The following MCPH1 variants were observed in gnomAD, a reference collection of about 807,000 sequenced individuals.
MCPH1 encodes the protein microcephalin 1.
A neutral mutation model predicts 84.5 loss-of-function variants in MCPH1; 104 were observed. That is an observed-to-expected ratio of 1.23 (90% CI 1.05 to 1.45). The LOEUF is 1.45. MCPH1 is among the 40% of genes most tolerant of loss of function. MCPH1 has a pLI of 0.00. For synonymous variants in MCPH1, 514 were observed against 366.8 expected (o/e 1.40, Z -4.58); for missense variants, 1,498 against 1,005.7 (o/e 1.49, Z -6.62).
intron 3 of MCPH1, among the ~76,000 whole-genome samples, chr8:6,423,840 C>T (rs1379177741): frequency 6.6e-6 from 1 of 152,148 alleles, no homozygotes; most frequent in African/African-American, 2.4e-5. Context: ...TTCCCAATAC[C>T]TTTGCTAATG....
chr8:6,456,362 C>T (rs1805679535), intron 9 of MCPH1, among the ~76,000 whole-genome samples: 1 of 152,166 alleles, frequency 6.6e-6, no homozygotes, highest in Non-Finnish European at 1.5e-5. Context: ...GGGTGGGGCC[C>T]TTCCTAGAAC....
intron 3 of MCPH1, among the ~76,000 whole-genome samples, chr8:6,415,403 T>A (rs1285834762): frequency 1.3e-5 from 2 of 151,820 alleles, no homozygotes; most frequent in African/African-American, 4.8e-5. Flanking sequence ...TTCTTATGCC[T>A]CAGCCTCCCA....
chr8:6,505,009 T>A (rs1047344952), intron 12 of MCPH1, among the ~76,000 whole-genome samples: 76 of 151,572 alleles, frequency 5.0e-4, no homozygotes, highest in Non-Finnish European at 2.6e-4. Flanking sequence ...TTATATTAAT[T>A]TTTAAAATAG....
chr8:6,532,563 C>T (rs541542905), intron 12 of MCPH1: 5 of 939,446 alleles, frequency 5.3e-6, no homozygotes, highest in Admixed American at 6.7e-5. Context: ...TTGTCGTCTC[C>T]TCCCTATCTT....
intron 12 of MCPH1, among the ~76,000 whole-genome samples, chr8:6,511,751 A>G (rs1815147394): frequency 6.6e-6 from 1 of 152,226 alleles, no homozygotes; most frequent in Admixed American, 6.5e-5. Context: ...TAAATGGCCT[A>G]TCCAAAAATT....
intron 12 of MCPH1, among the ~76,000 whole-genome samples, chr8:6,515,391 G>T (rs988822043): frequency 2.0e-5 from 3 of 152,192 alleles, no homozygotes; most frequent in East Asian, 1.9e-4. Flanking sequence ...CTGGTGCAAG[G>T]TGTGTGACCT....
Position 6,498,135 on chromosome 8 carries a change from A to G in MCPH1, c.2137-1717A>G, listed in dbSNP as rs569718888. Among the ~76,000 whole-genome samples, 13 of 152,374 alleles carry G rather than the reference A, an allele frequency of 8.5e-5. No individual in the cohort carries two copies. In the East Asian group the frequency reaches 2.3e-3, roughly 27 times the overall value. On this transcript the variant is annotated intron_variant, in intron 11 of 13. Transcript: ENST00000344683. ...TGGTTTTATGAATGATAATATTAAA[A>G]TGTAAAAAACACTATTTTCATTATG...
intron 12 of MCPH1, among the ~76,000 whole-genome samples, chr8:6,612,288 T>C (rs191883959): frequency 2.0e-5 from 3 of 149,942 alleles, no homozygotes; most frequent in African/African-American, 7.2e-5. Context: ...ACATTCTGCC[T>C]ATTTAAGCCA....
At chr8:6,453,950 G>C (rs1350254726) in intron 8 of MCPH1, among the ~76,000 whole-genome samples, 1 of 152,126 alleles carries the variant, frequency 6.6e-6, no homozygotes, top group Admixed American at 6.5e-5. Flanking sequence ...CAGGGCCCAG[G>C]CTGCAAATAA....
At chr8:6,566,976 G>C (rs1313390136) in intron 12 of MCPH1, among the ~76,000 whole-genome samples, 1 of 138,694 alleles carries the variant, frequency 7.2e-6, no homozygotes, top group Non-Finnish European at 1.5e-5. Context: ...GATAGTACAC[G>C]CGGTGCGGTG....
rs370169663 is a variant in MCPH1, at chr8:6,630,742, T to G, written c.2452+9051T>G. ...GTTGCAGTGAGCCGAGACTGTGCCA[T>G]TGCACTCCAGCCTGGGCAACTAGAG... On this transcript the variant is annotated intron_variant, in intron 13 of 13. Coordinates refer to ENST00000344683, the MANE Select transcript of MCPH1 (RefSeq NM_024596.5). Among the ~76,000 whole-genome samples the G allele has an allele frequency of 7.7e-4, 115 of 149,020 alleles. 2 individuals are homozygous for G. The South Asian group carries it at 0.024, about 31-fold the overall frequency.
rs549037614 is a variant in MCPH1 at position 6,478,033 on chromosome 8, C to G, written c.1973+402C>G. Reference sequence around the variant, plus strand: ...ATGCATTTTGTGGAAGGGTTAATAGCTTGTTGGCATGCTCTTATCATCTCC... The same window carrying G: ...ATGCATTTTGTGGAAGGGTTAATAGGTTGTTGGCATGCTCTTATCATCTCC... On this transcript the variant is annotated intron_variant, in intron 10 of 13. Transcript: ENST00000344683. Among the ~76,000 whole-genome samples, 29 of 152,354 alleles carry G rather than the reference C, an allele frequency of 1.9e-4. No individual in the cohort carries two copies. In the South Asian group the frequency reaches 5.8e-3, roughly 30 times the overall value.
At position 6,643,086 on chromosome 8, in the gene MCPH1, T is replaced by G. The variant is rs751588656; in HGVS notation, c.*37T>G. On this transcript the variant is annotated 3_prime_UTR_variant, in exon 14 of 14. Coordinates refer to ENST00000344683, the MANE Select transcript of MCPH1 (RefSeq NM_024596.5). ...CTGGCCTGTGGTGACTGCACACAGC[T>G]CGCAAAACTGTCTTTGGATGTTCAA... The G allele has an allele frequency of 6.4e-7, 1 of 1,569,898 alleles. No homozygotes were observed. The highest frequency in any genetic ancestry group is 8.8e-7 in the Non-Finnish European group (1 of 1,140,154).
intron 13 of MCPH1, among the ~76,000 whole-genome samples, chr8:6,632,799 A>T (rs1400696601): frequency 6.6e-6 from 1 of 151,160 alleles, no homozygotes; most frequent in African/African-American, 2.4e-5. Flanking sequence ...ACAGAGTGAG[A>T]CTCTGTCTAA....
In MCPH1 at chr8:6,423,951, G is replaced by T. The variant is rs75297888; in HGVS notation, c.234-7548G>T. Among the ~76,000 whole-genome samples the T allele has an allele frequency of 4.4e-3, 669 of 152,202 alleles. 6 individuals are homozygous for T. Among genetic ancestry groups the T allele is most frequent in the African/African-American group, 0.015 (643 of 41,528 alleles). On this transcript the variant is annotated intron_variant, in intron 3 of 13. Coordinates refer to ENST00000344683, the MANE Select transcript of MCPH1 (RefSeq NM_024596.5). ...GTGAGCTTGAATTTTCTTCAGCAGA[G>T]CATAGAGATAAGAGCCAAACTGACC...
chr8:6,525,265 A>G (rs370770293), intron 12 of MCPH1, among the ~76,000 whole-genome samples: 9 of 152,246 alleles, frequency 5.9e-5, no homozygotes, highest in East Asian at 5.8e-4. Flanking sequence ...GTAAATTAGT[A>G]TGTAATTTTG....
At chr8:6,480,017 A>G (rs1808981891) in intron 10 of MCPH1, among the ~76,000 whole-genome samples, 1 of 152,186 alleles carries the variant, frequency 6.6e-6, no homozygotes, top group South Asian at 2.1e-4. Context: ...CTTGGTTCTG[A>G]GCATGCACAG....
At chr8:6,578,352 C>A (rs950211018) in intron 12 of MCPH1, among the ~76,000 whole-genome samples, 1 of 152,174 alleles carries the variant, frequency 6.6e-6, no homozygotes, top group Non-Finnish European at 1.5e-5. Context: ...AAGCTTGAAG[C>A]CTAAAACTTT....
intron 13 of MCPH1, among the ~76,000 whole-genome samples, chr8:6,624,547 C>A (rs989436736): frequency 6.6e-6 from 1 of 152,184 alleles, no homozygotes; most frequent in African/African-American, 2.4e-5. Flanking sequence ...TTGTATTTTT[C>A]TCTTTGTGAA....
Sources: allele counts gnomAD v4.1 joint callset (sites outside exome capture counted in the v4.1 genomes callset), GRCh38; gene constraint gnomAD v4.1.1; transcripts MANE v1.5; gene names NCBI Gene and HGNC (gene_info 2026-07-23, HGNC 2026-07-21).